The following KALRN variants were observed in gnomAD, a reference collection of about 807,000 sequenced individuals.
KALRN encodes the protein kalirin RhoGEF kinase.
Under a neutral mutation model 353.7 loss-of-function variants are expected in KALRN, and 70 were observed. That is an observed-to-expected ratio of 0.20 (90% CI 0.16 to 0.24). The LOEUF is 0.24. Ranked by LOEUF, KALRN falls within the 10% of genes least tolerant of loss-of-function variation. KALRN has a pLI of 1.00. For missense variants in KALRN, 2,791 were observed against 3,756.7 expected (o/e 0.74, Z 6.72); for synonymous variants, 1,391 against 1,434.8 (o/e 0.97, Z 0.69).
chr3:124,718,833 T>C, intron 59 of KALRN, 92 bp from the exon 60 acceptor site: 1 of 1,190,254 alleles, frequency 8.4e-7, no homozygotes, highest in Non-Finnish European at 1.2e-6. Context: ...AAGAATAGCA[T>C]AACTGTGTTT....
At chr3:124,188,110 G>A (rs1312482207) in intron 1 of KALRN, among the ~76,000 whole-genome samples, 3 of 152,278 alleles carry the variant, frequency 2.0e-5, no homozygotes, top group South Asian at 4.2e-4. Flanking sequence ...CAGGCATTAT[G>A]TTTTTATGTG....
At position 124,038,955 on chromosome 3, in the gene KALRN, G is replaced by A. The variant is rs192261497; in HGVS notation, c.73+5142G>A. Among the ~76,000 whole-genome samples, 347 of 152,354 alleles carry A rather than the reference G, an allele frequency of 2.3e-3. 2 individuals carry two copies. The highest frequency in any genetic ancestry group is 4.2e-3 in the Admixed American group (64 of 15,306). ...TTCACAGGGCATGGCCCCAGGCCAG[G>A]CCCCATATGCCCCCATGGACTCCTT... On this transcript the variant is annotated intron_variant, in intron 1 of 59. Transcript: ENST00000682506.
chr3:124,276,450 C>A (rs996467360), intron 5 of KALRN, among the ~76,000 whole-genome samples: 1 of 152,120 alleles, frequency 6.6e-6, no homozygotes, highest in African/African-American at 2.4e-5. Flanking sequence ...AAAGTCTTAT[C>A]CTGCCTGGGG....
Position 124,697,739 on chromosome 3 carries a change from G to A in KALRN, c.7831+15G>A. 5 of 1,510,218 alleles carry A rather than the reference G, an allele frequency of 3.3e-6. No individual in the cohort carries two copies. Among genetic ancestry groups the A allele is most frequent in the Middle Eastern group, 1.8e-4 (1 of 5,698 alleles). The allele number at this position is 1,510,218 out of a possible 1,614,324, so 93.6% of individuals were successfully genotyped here. A position where few individuals can be genotyped will look rare whatever the true frequency, so the allele number is the denominator to read the frequency against. ...CAGAGAGGAAGGTGCACTATCTCCT[G>A]CTCTTCTTTTTCTTTTCTCTTCTTT... On this transcript the variant is annotated intron_variant, in intron 55 of 59. Coordinates refer to ENST00000682506, the MANE Select transcript of KALRN (RefSeq NM_001388419.1).
chr3:124,615,989 C>T (rs1043599120), intron 34 of KALRN, among the ~76,000 whole-genome samples: 1 of 152,144 alleles, frequency 6.6e-6, no homozygotes, highest in Non-Finnish European at 1.5e-5. Context: ...TGTAGAGCCT[C>T]CTATTACATT....
At chr3:124,463,064 C>T (rs1026345198) in intron 25 of KALRN, among the ~76,000 whole-genome samples, 1 of 152,214 alleles carries the variant, frequency 6.6e-6, no homozygotes, top group South Asian at 2.1e-4. Flanking sequence ...TTTCACATTT[C>T]TTGACAGTTT....
chr3:124,376,680 C>T (rs1560732696), intron 10 of KALRN, among the ~76,000 whole-genome samples: 1 of 152,198 alleles, frequency 6.6e-6, no homozygotes, highest in Non-Finnish European at 1.5e-5. Context: ...TCCTAACCTT[C>T]ATTTACATGG....
chr3:124,416,293 A>G (rs1292815805), intron 14 of KALRN, among the ~76,000 whole-genome samples: 1 of 152,242 alleles, frequency 6.6e-6, no homozygotes, highest in African/African-American at 2.4e-5. Context: ...AGTAACAGAA[A>G]GACAACTGGG....
chr3:124,437,631 A>C (rs187212013), intron 17 of KALRN, among the ~76,000 whole-genome samples: 1 of 134,068 alleles, frequency 7.5e-6, no homozygotes, highest in East Asian at 2.2e-4. Flanking sequence ...CAGAGGTTGC[A>C]TTGAGCCAAG....
intron 34 of KALRN, among the ~76,000 whole-genome samples, chr3:124,594,897 G>A (rs1159144942): frequency 6.6e-6 from 1 of 152,028 alleles, no homozygotes; most frequent in Admixed American, 6.6e-5. Flanking sequence ...TCATTGTGCA[G>A]CTGATGTCAC....
chr3:124,584,554 C>A, intron 34 of KALRN: 1 of 1,224,424 alleles, frequency 8.2e-7, no homozygotes, highest in Non-Finnish European at 1.1e-6. Flanking sequence ...TTACATGAGG[C>A]TCCGGCCGCT....
chr3:124,438,504 G>A (rs926485199), intron 17 of KALRN, among the ~76,000 whole-genome samples: 6 of 151,954 alleles, frequency 3.9e-5, no homozygotes, highest in African/African-American at 1.2e-4. Flanking sequence ...ACAGATGGTC[G>A]GATAAGTCAA....
chr3:124,719,433 A>G lies in KALRN; in HGVS notation c.8924A>G (p.Lys2975Arg), dbSNP rs1365077553. ...GATGTGCGGCCTATTCCCAATGTCAAGAGCTACATTGTCAACCGGGTGAAC... is the reference window on the plus strand; with the variant it reads ...GATGTGCGGCCTATTCCCAATGTCAGGAGCTACATTGTCAACCGGGTGAAC... ...QNDVRPIPNV[K>R]SYIVNRVNQG... Residue 2975 changes from lysine to arginine, a missense_variant, in exon 60 of 60, where the codon AAG (lysine) becomes AGG (arginine). This residue lies in a region of KALRN where 32 missense variants were observed against 27.4 expected (regional missense o/e 1.17). Coordinates refer to ENST00000682506, the MANE Select transcript of KALRN (RefSeq NM_001388419.1). The surrounding 1 kb of genome is among the most constrained non-coding windows in gnomAD (Gnocchi z 5.3). 1 of 1,614,038 alleles carries G rather than the reference A, an allele frequency of 6.2e-7. No individual in the cohort carries two copies. Among genetic ancestry groups the G allele is most frequent in the South Asian group, 1.1e-5 (1 of 91,084 alleles).
chr3:124,610,849 A>AC (rs1376288440), intron 34 of KALRN, among the ~76,000 whole-genome samples: 1 of 151,286 alleles, frequency 6.6e-6, no homozygotes, highest in Non-Finnish European at 1.5e-5. Context: ...CGTCCCTACA[A>AC]AAAAAAGAAA....
intron 15 of KALRN, among the ~76,000 whole-genome samples, chr3:124,425,151 G>A (rs1319481777): frequency 6.6e-6 from 1 of 152,184 alleles, no homozygotes; most frequent in Non-Finnish European, 1.5e-5. Flanking sequence ...AGGATAAAGA[G>A]AGGTTGGTTA....
chr3:124,172,232 C>A (rs1006025852), intron 1 of KALRN, among the ~76,000 whole-genome samples: 9 of 152,282 alleles, frequency 5.9e-5, no homozygotes, highest in Admixed American at 4.6e-4. Context: ...CCCATCTCAC[C>A]CCTACCCCAT....
rs796449384 is a variant in KALRN, at chr3:124,280,235, G to T, written c.969+10980G>T. Among the ~76,000 whole-genome samples the T allele has an allele frequency of 3.6e-4, 55 of 152,238 alleles. 1 individual carries two copies. The highest frequency in any genetic ancestry group is 1.3e-3 in the African/African-American group (55 of 41,538). ...CCAGATTCTTCTGAGCATTTCCAGG[G>T]CTGAGGAAGCCACAGCTTTGTGAGG... On this transcript the variant is annotated intron_variant, in intron 5 of 59. Coordinates refer to ENST00000682506, the MANE Select transcript of KALRN (RefSeq NM_001388419.1).
Position 124,678,309 on chromosome 3 carries a change from T to C in KALRN, c.7313T>C (p.Val2438Ala). The C allele has an allele frequency of 4.3e-6, 7 of 1,613,726 alleles. No individual in the cohort carries two copies. The highest frequency in any genetic ancestry group is 5.1e-6 in the Non-Finnish European group (6 of 1,179,776). Reference protein sequence around the residue: ...PKDILGNKVSVKETNSSEESE... With the variant: ...PKDILGNKVSAKETNSSEESE... ...GATATTCTGGGCAACAAAGTCTCTG[T>C]TAAAGTGAGTAAGGTATTCCGGAGC... is the stretch of plus-strand genomic sequence containing the variant. Residue 2438 changes from valine to alanine, a missense_variant, in exon 50 of 60, where the codon GTT becomes GCT. Physicochemically the swap from Val to Ala is moderately conservative, Grantham distance 64. This residue lies in a region of KALRN where 1,065 missense variants were observed against 1,156.4 expected (regional missense o/e 0.92). Transcript: ENST00000682506.
intron 5 of KALRN, among the ~76,000 whole-genome samples, chr3:124,295,720 A>G (rs2076795574): frequency 6.6e-6 from 1 of 152,242 alleles, no homozygotes; most frequent in Non-Finnish European, 1.5e-5. Flanking sequence ...TCAGACTTTC[A>G]TTAACTTTAT....
Sources: gnomAD v4.1 joint callset for allele counts (sites outside exome capture counted in the v4.1 genomes callset) on GRCh38, gnomAD v4.1.1 for gene constraint, gnomAD v4.1.1 regional missense constraint, Gnocchi (gnomAD v3.1) non-coding constraint, MANE v1.5 for transcripts, NCBI Gene and HGNC (gene_info 2026-07-23, HGNC 2026-07-21) for gene names.